The following CATSPERD variants were observed in gnomAD, a reference collection of about 807,000 sequenced individuals.
The protein encoded by CATSPERD is catsper channel auxiliary subunit delta.
Under a neutral mutation model 98.1 loss-of-function variants are expected in CATSPERD, and 86 were observed. The observed-to-expected ratio is 0.88, with a 90% confidence interval of 0.74 to 1.05. The LOEUF is 1.05. Ranked by LOEUF, CATSPERD falls within the 50% of genes least tolerant of loss-of-function variation. The pLI is 0.00. For missense variants in CATSPERD, 995 were observed against 1,005.7 expected (o/e 0.99, Z 0.14); for synonymous variants, 394 against 390.2 (o/e 1.01, Z -0.12).
chr19:5,778,612 C>T lies in CATSPERD; in HGVS notation c.2333C>T (p.Ala778Val), dbSNP rs1219747240. ...TGCCAGTTCAGGGCCTCAGCCACAG[C>T]CAGGGCAGGCACAGAGCCCCCGGGA... Reference protein sequence around the residue: ...TVCQFRASATARAGTEPPGRH... With the variant: ...TVCQFRASATVRAGTEPPGRH... Residue 778 changes from alanine (A) to valine (V), a missense_variant, in exon 22 of 22, where the codon GCC (alanine) becomes GTC (valine). Physicochemically the swap from Ala to Val is moderately conservative, Grantham distance 64 (BLOSUM62 0). Around this residue, in one of 3 missense-constraint regions of CATSPERD, gnomAD observed 762 missense variants for 773.7 expected, o/e 0.98. Transcript: ENST00000381624. 1 of 1,613,640 alleles carries T rather than the reference C, an allele frequency of 6.2e-7. No homozygotes were observed. Among genetic ancestry groups the T allele is most frequent in the African/African-American group, 1.3e-5 (1 of 74,914 alleles).
At chr19:5,773,028 G>T (rs1231746124) in intron 20 of CATSPERD, 63 bp downstream of exon 20, 1 of 1,519,620 alleles carries the variant, frequency 6.6e-7, no homozygotes, top group Non-Finnish European at 9.0e-7. Flanking sequence ...GGGAGAGTGC[G>T]TGAGGACACC....
Position 5,744,496 on chromosome 19 carries a change from G to A in CATSPERD, c.643G>A (p.Val215Met). The change falls in exon 8 of 22, where the codon GTG becomes ATG. Residue 215 changes from valine (V) to methionine (M), a missense_variant. Physicochemically the swap from Val to Met is conservative, Grantham distance 21. Coordinates refer to ENST00000381624, the MANE Select transcript of CATSPERD (RefSeq NM_152784.4). Reference protein sequence around the residue: ...FSLSQVAMLVVNQGKGMFKYS... With the variant: ...FSLSQVAMLVMNQGKGMFKYS... ...TTTGTCACAGGTTGCGATGCTTGTA[G>A]TGAATCAAGGGAAGGTAAGTAACTG... is the stretch of plus-strand genomic sequence containing the variant. The A allele has an allele frequency of 6.2e-7, 1 of 1,612,076 alleles. No homozygotes were observed. The highest frequency in any genetic ancestry group is 8.5e-7 in the Non-Finnish European group (1 of 1,178,666).
At position 5,750,450 on chromosome 19, in the gene CATSPERD, CAAAA is replaced by C. The variant is rs60496454; in HGVS notation, c.988-1177_988-1174del. ...TGGGTGACTGAGCGAGACTCTGTCTCAAAAAAAAAAAAAAAAAAAAAAAGGAATT... is the reference window on the plus strand; with the variant it reads ...TGGGTGACTGAGCGAGACTCTGTCTCAAAAAAAAAAAAAAAAAAAGGAATT... On this transcript the variant is annotated intron_variant, in intron 11 of 21. Coordinates refer to ENST00000381624, the MANE Select transcript of CATSPERD (RefSeq NM_152784.4). 1.4e-4 allele frequency among the ~76,000 whole-genome samples: 7 copies of C among 48,670 alleles called. No homozygotes were observed. In the South Asian group the frequency reaches 4.1e-3, roughly 29 times the overall value. The allele number at this position is 48,670 out of a possible 152,430, so 31.9% of individuals were successfully genotyped here. A position where few individuals can be genotyped will look rare whatever the true frequency, so the allele number is the denominator to read the frequency against.
chr19:5,778,207 C>CAAAAAA (rs555139661), intron 21 of CATSPERD, among the ~76,000 whole-genome samples, 169 bp from the exon 22 acceptor site: 1 of 82,376 alleles, frequency 1.2e-5, no homozygotes, highest in Non-Finnish European at 2.6e-5. Context: ...GACTCCGACT[C>CAAAAAA]AAAAAAAAAA....
intron 2 of CATSPERD, among the ~76,000 whole-genome samples, chr19:5,725,460 G>T (rs1400319889): frequency 1.3e-5 from 2 of 152,034 alleles, no homozygotes; most frequent in Non-Finnish European, 2.9e-5. Flanking sequence ...CTTGATGGGA[G>T]ATTTTAAAAT....
intron 13 of CATSPERD, among the ~76,000 whole-genome samples, chr19:5,757,433 G>A (rs1191897141): frequency 1.3e-5 from 2 of 150,632 alleles, no homozygotes; most frequent in Non-Finnish European, 3.0e-5. Flanking sequence ...GAGTAGCTGG[G>A]ATTACAGGCA....
At chr19:5,749,335 T>A in intron 11 of CATSPERD, 152 bp downstream of exon 11, 1 of 434,002 alleles carries the variant, frequency 2.3e-6, no homozygotes, top group Non-Finnish European at 4.1e-6. Flanking sequence ...CTACTAAAAA[T>A]ACAAAAATTA....
At chr19:5,761,180 C>T (rs1416250362) in intron 15 of CATSPERD, among the ~76,000 whole-genome samples, 1 of 152,026 alleles carries the variant, frequency 6.6e-6, no homozygotes, top group African/African-American at 2.4e-5. Flanking sequence ...CGGCTCACTG[C>T]AATCTCTGCC....
chr19:5,754,181 T>C lies in CATSPERD; in HGVS notation c.1214T>C (p.Met405Thr), dbSNP rs1326805620. 2.5e-6 allele frequency: 4 copies of C among 1,614,046 alleles called. No individual in the cohort carries two copies. The highest frequency in any genetic ancestry group is 3.4e-6 in the Non-Finnish European group (4 of 1,179,948). ...ATATACAGGATGTATACCATTGACA[T>C]GCACAGCCAGCTGGAATTGACTGCT... ...EFIYRMYTIDMHSQLELTASL... is the reference protein window; with the variant it reads ...EFIYRMYTIDTHSQLELTASL... Residue 405 changes from methionine to threonine, a missense_variant, in exon 13 of 22, where the codon ATG (methionine) becomes ACG (threonine). This residue lies in a region of CATSPERD where 762 missense variants were observed against 773.7 expected (regional missense o/e 0.98). Coordinates refer to ENST00000381624, the MANE Select transcript of CATSPERD (RefSeq NM_152784.4).
intron 13 of CATSPERD, among the ~76,000 whole-genome samples, chr19:5,757,297 CTTT>C (rs77064500): frequency 2.9e-4 from 35 of 119,428 alleles, no homozygotes; most frequent in Admixed American, 3.5e-4. Flanking sequence ...TTTTCAACTT[CTTT>C]TTTTTTTTTT....
In CATSPERD at chr19:5,739,330, T is replaced by C; in HGVS notation, c.464T>C (p.Val155Ala). ...CYTGSLFCVH[V>A]SNLVFAYFRG... Reference sequence around the variant, plus strand: ...CTTTCTTTTTTTTTTTTATAGCATGTCAGTAATTTGGTTTTTGCATATTTC... The same window carrying C: ...CTTTCTTTTTTTTTTTTATAGCATGCCAGTAATTTGGTTTTTGCATATTTC... Residue 155 changes from valine to alanine, a missense_variant, in exon 7 of 22, where the codon GTC becomes GCC. Coordinates refer to ENST00000381624, the MANE Select transcript of CATSPERD (RefSeq NM_152784.4). 6.7e-7 allele frequency: 1 copy of C among 1,485,846 alleles called. No individual in the cohort carries two copies. Among genetic ancestry groups the C allele is most frequent in the Non-Finnish European group, 9.3e-7 (1 of 1,076,050 alleles). The allele number at this position is 1,485,846 out of a possible 1,614,324, so 92.0% of individuals were successfully genotyped here.
chr19:5,742,155 A>G (rs113312324), intron 7 of CATSPERD, among the ~76,000 whole-genome samples: 1 of 100,812 alleles, frequency 9.9e-6, no homozygotes, highest in East Asian at 2.0e-4. Context: ...TACGTGTGTG[A>G]ACGTGTGTGT....
At chr19:5,735,121 C>A (rs2055816690) in intron 5 of CATSPERD, among the ~76,000 whole-genome samples, 1 of 152,064 alleles carries the variant, frequency 6.6e-6, no homozygotes, top group African/African-American at 2.4e-5. Context: ...GAGCAGAATG[C>A]CATCTTTACA....
chr19:5,744,178 C>A, intron 7 of CATSPERD, among the ~76,000 whole-genome samples: 1 of 152,094 alleles, frequency 6.6e-6, no homozygotes, highest in Non-Finnish European at 1.5e-5. Context: ...TGGGGTTTCA[C>A]CATGTTGACC....
chr19:5,737,175 T>C lies in CATSPERD; in HGVS notation c.429T>C (p.Asn143=), dbSNP rs908593688. The part of the protein sequence containing the change: ...KHPVTHVSGD[N]CCYTGSLFCV... ...CTGTTACACATGTCTCTGGTGATAA[T>C]TGTTGTTATACTGGAAGTTTGTTTT... The change falls in exon 6 of 22, where the codon AAT becomes AAC. Residue 143 remains asparagine, a synonymous_variant. Coordinates refer to ENST00000381624, the MANE Select transcript of CATSPERD (RefSeq NM_152784.4). 1.9e-6 allele frequency: 3 copies of C among 1,609,480 alleles called. No homozygotes were observed. The highest frequency in any genetic ancestry group is 2.6e-6 in the Non-Finnish European group (3 of 1,175,910).
intron 20 of CATSPERD, among the ~76,000 whole-genome samples, chr19:5,774,932 G>A (rs113021450): frequency 0.048 from 7,282 of 152,142 alleles, 614 homozygotes; most frequent in African/African-American, 0.17. Context: ...CAGGAGAATT[G>A]CTTGAACCTG....
chr19:5,733,745 C>G (rs771515951), intron 4 of CATSPERD, 111 bp from the exon 5 acceptor site: 7 of 732,670 alleles, frequency 9.6e-6, no homozygotes, highest in Non-Finnish European at 1.1e-5. Flanking sequence ...CGAGGGCCAC[C>G]GCGCCCGTCC....
At chr19:5,750,805 T>A (rs1384131345) in intron 11 of CATSPERD, among the ~76,000 whole-genome samples, 1 of 152,218 alleles carries the variant, frequency 6.6e-6, no homozygotes, top group East Asian at 1.9e-4. Flanking sequence ...CAAGTTGTCC[T>A]TATGACTGTG....
rs575963185 is a variant in CATSPERD at position 5,750,937 on chromosome 19, G to A, written c.988-710G>A. The stretch of plus-strand genomic sequence containing the variant: ...CCTTCTTTCAATCTGCATCATGGCC[G>A]GGCGTGGTGGCTCATGCCTGTAATC... On this transcript the variant is annotated intron_variant, in intron 11 of 21. Coordinates refer to ENST00000381624, the MANE Select transcript of CATSPERD (RefSeq NM_152784.4). Among the ~76,000 whole-genome samples, 143 of 150,598 alleles carry A rather than the reference G, an allele frequency of 9.5e-4. 2 individuals are homozygous for A. The highest frequency in any genetic ancestry group is 1.0e-4 in the Non-Finnish European group (7 of 67,700).
Sources: gnomAD v4.1 joint callset for allele counts (sites outside exome capture counted in the v4.1 genomes callset) on GRCh38, gnomAD v4.1.1 for gene constraint, gnomAD v4.1.1 regional missense constraint, MANE v1.5 for transcripts, NCBI Gene and HGNC (gene_info 2026-07-23, HGNC 2026-07-21) for gene names.